The following PPARD variants were observed in gnomAD, a reference collection of about 807,000 sequenced individuals.
PPARD encodes the protein peroxisome proliferator-activated receptor delta.
Under a neutral mutation model 39.5 loss-of-function variants are expected in PPARD, and 6 were observed. The observed-to-expected ratio is 0.15, with a 90% CI of 0.08 to 0.30. The LOEUF (loss-of-function observed/expected upper bound fraction) is 0.30, where lower values mean the gene tolerates loss of function less well. Among genes scored for constraint, PPARD ranks in the 10% least tolerant of loss-of-function variants. The probability of loss-of-function intolerance (pLI) is 1.00; values close to 1 mark genes in which losing one functional copy is unlikely to be tolerated. For synonymous variants in PPARD, 210 were observed against 231.3 expected (o/e 0.91, Z 0.83); for missense variants, 397 against 596.8 (o/e 0.67, Z 3.49).
At chr6:35,405,774 C>T (rs897070492) in intron 2 of PPARD, among the ~76,000 whole-genome samples, 4 of 151,634 alleles carry the variant, frequency 2.6e-5, no homozygotes, top group South Asian at 4.2e-4. Flanking sequence ...GGATTACAGG[C>T]GTGCGCCACC....
chr6:35,406,941 A>G (rs1765092533), intron 2 of PPARD, among the ~76,000 whole-genome samples: 1 of 152,146 alleles, frequency 6.6e-6, no homozygotes, highest in South Asian at 2.1e-4. Flanking sequence ...ATGTTCTGAG[A>G]TGCCCTGTTG....
intron 2 of PPARD, among the ~76,000 whole-genome samples, chr6:35,377,683 TGGTTGCTGCCCCCAGCAGTTGA>T (rs1048867189): frequency 1.4e-4 from 22 of 152,170 alleles, no homozygotes; most frequent in Middle Eastern, 6.8e-3. Context: ...GCTGCCTCTG[TGGTTGCTGCCCCCAGCAGTTGA>T]GGCTGCCAGG....
At chr6:35,398,669 C>T (rs925718616) in intron 2 of PPARD, among the ~76,000 whole-genome samples, 20 of 152,100 alleles carry the variant, frequency 1.3e-4, no homozygotes, top group Non-Finnish European at 2.2e-4. Context: ...TAGATTGATA[C>T]GGAGCAGCCA....
chr6:35,373,373 A>G (rs1396927244), intron 2 of PPARD, among the ~76,000 whole-genome samples: 1 of 152,256 alleles, frequency 6.6e-6, no homozygotes, highest in African/African-American at 2.4e-5. Context: ...TCGCTATTAT[A>G]GAGACCAGCT....
intron 2 of PPARD, among the ~76,000 whole-genome samples, chr6:35,374,550 C>T (rs1391549521): frequency 6.7e-6 from 1 of 150,248 alleles, no homozygotes; most frequent in Admixed American, 6.7e-5. Flanking sequence ...CCCAGCTACT[C>T]GGGAGGCTGA....
intron 2 of PPARD, among the ~76,000 whole-genome samples, chr6:35,402,346 C>T (rs1043957682): frequency 6.6e-6 from 1 of 152,190 alleles, no homozygotes; most frequent in Non-Finnish European, 1.5e-5. Context: ...TCAGTGGCTG[C>T]GGTCAGAGGT....
intron 2 of PPARD, chr6:35,348,337 C>T (rs1372521922): frequency 1.0e-6 from 1 of 985,246 alleles, no homozygotes; most frequent in Non-Finnish European, 1.2e-6. Context: ...CCATAACACA[C>T]AGAATTGTTT....
chr6:35,419,323 T>C (rs1007081527), intron 3 of PPARD, among the ~76,000 whole-genome samples: 7 of 152,144 alleles, frequency 4.6e-5, no homozygotes, highest in Non-Finnish European at 8.8e-5. Context: ...AGAGATCATT[T>C]CCGAGTGTCC....
chr6:35,390,463 A>G (rs911061951), intron 2 of PPARD, among the ~76,000 whole-genome samples: 2 of 152,158 alleles, frequency 1.3e-5, no homozygotes, highest in Non-Finnish European at 2.9e-5. Context: ...GGTCATAACG[A>G]AGGCTGGCCA....
chr6:35,378,089 C>G (rs9658094), intron 2 of PPARD, among the ~76,000 whole-genome samples: 7,173 of 151,906 alleles, frequency 0.047, 343 homozygotes, highest in African/African-American at 0.12. Context: ...GTCTCCATCT[C>G]TTGACTTTGT....
chr6:35,417,196 G>C (rs1170388044), intron 3 of PPARD, among the ~76,000 whole-genome samples: 2 of 151,882 alleles, frequency 1.3e-5, no homozygotes, highest in East Asian at 1.9e-4. Flanking sequence ...TAGAGACAGG[G>C]TCTCACTATG....
intron 1 of PPARD, among the ~76,000 whole-genome samples, chr6:35,344,640 T>C (rs1792059888): frequency 6.6e-6 from 1 of 152,190 alleles, no homozygotes; most frequent in Admixed American, 6.5e-5. Context: ...AGGCTCATTG[T>C]TTCACCTGGC....
chr6:35,346,574 G>C lies in PPARD; in HGVS notation c.-185-493G>C, dbSNP rs188702071. ...ACAGCTGGATTCCAGGGTGTCAGAG[G>C]AGCCCTTGGAGCTTGCCTTGAGCCT... On this transcript the variant is annotated intron_variant, in intron 1 of 7. Coordinates refer to ENST00000360694, the MANE Select transcript of PPARD (RefSeq NM_006238.5). 3.3e-4 allele frequency among the ~76,000 whole-genome samples: 50 copies of C among 152,332 alleles called. 2 individuals carry two copies. The highest frequency in any genetic ancestry group is 2.9e-3 in the Admixed American group (44 of 15,306).
At chr6:35,380,476 G>GTTTTTTTTTT (rs71002557) in intron 2 of PPARD, among the ~76,000 whole-genome samples, 14 of 67,100 alleles carry the variant, frequency 2.1e-4, no homozygotes, top group Admixed American at 5.2e-4. Flanking sequence ...TTTTTTGTTT[G>GTTTTTTTTTT]TTTTTTTTTT....
intron 2 of PPARD, 129 bp downstream of exon 2, chr6:35,347,279 C>A: frequency 2.7e-6 from 3 of 1,109,542 alleles, no homozygotes; most frequent in South Asian, 2.8e-5. Context: ...CCTGTCACAG[C>A]ATCTGGTACC....
At position 35,376,983 on chromosome 6, in the gene PPARD, G is replaced by T. The variant is rs2150567731; in HGVS notation, c.-102+29833G>T. 2.0e-5 allele frequency among the ~76,000 whole-genome samples: 3 copies of T among 148,382 alleles called. No homozygotes were observed. In the South Asian group the frequency reaches 6.5e-4, roughly 32 times the overall value. On this transcript the variant is annotated intron_variant, in intron 2 of 7. Transcript: ENST00000360694. Reference sequence around the variant, plus strand: ...TGCAGTGAGCTGAGATCACGCCACTGCACTGCAGCCCGGGCGACAGAGTGA... The same window carrying T: ...TGCAGTGAGCTGAGATCACGCCACTTCACTGCAGCCCGGGCGACAGAGTGA...
intron 2 of PPARD, among the ~76,000 whole-genome samples, chr6:35,409,256 AT>A (rs750579847): frequency 6.6e-6 from 1 of 152,086 alleles, no homozygotes; most frequent in Non-Finnish European, 1.5e-5. Context: ...TGTAATTCCA[AT>A]ACCTTGGTAG....
intron 2 of PPARD, chr6:35,349,044 GAGACGGAGTCTCGCTCTGTCACCC>G: frequency 1.6e-6 from 1 of 640,304 alleles, no homozygotes; most frequent in Non-Finnish European, 1.8e-6. Flanking sequence ...TTTTTTTTTT[GAGACGGAGTCTCGCTCTGTCACCC>G]AGGCTGGAGT....
intron 2 of PPARD, among the ~76,000 whole-genome samples, chr6:35,377,881 T>TTTTTTTTTTTTTTTTTTTTTTG: frequency 6.7e-6 from 1 of 149,514 alleles, no homozygotes; most frequent in African/African-American, 2.5e-5. Flanking sequence ...CTTTTTTTTT[T>TTTTTTTTTTTTTTTTTTTTTTG]TGAGACAGAG....
Sources: gnomAD v4.1 joint callset for allele counts (sites outside exome capture counted in the v4.1 genomes callset) on GRCh38, gnomAD v4.1.1 for gene constraint, MANE v1.5 for transcripts, NCBI Gene and HGNC (gene_info 2026-07-23, HGNC 2026-07-21) for gene names.